Variants in AQP8 observed in about 807,000 individuals in gnomAD.
AQP8 encodes the protein aquaporin 8, also known as aquaporin-8.
A neutral mutation model predicts 26.1 loss-of-function variants in AQP8; 14 were observed. That is an observed-to-expected ratio of 0.54 (90% CI 0.35 to 0.84). The LOEUF is 0.84. AQP8 is among the 40% of genes least tolerant of loss of function. The pLI is 0.01. For missense variants in AQP8, 301 were observed against 340.5 expected, an observed-to-expected ratio of 0.88 and a Z score of 0.91; for synonymous variants, 131 against 150.7, an observed-to-expected ratio of 0.87 and a Z score of 0.96.
In AQP8 at chr16:25,221,602, C is replaced by T; in HGVS notation, c.387+19C>T. On this transcript the variant is annotated intron_variant, in intron 3 of 5. Transcript: ENST00000219660. Reference sequence around the variant, plus strand: ...GGCCAAGGTGGGTAAACCCCAGGGGCTGGGCTAGTCTTCCTCTCTGATGGG... The same window carrying T: ...GGCCAAGGTGGGTAAACCCCAGGGGTTGGGCTAGTCTTCCTCTCTGATGGG... 2 of 1,613,528 alleles carry T rather than the reference C, an allele frequency of 1.2e-6. No individual in the cohort carries two copies. The highest frequency in any genetic ancestry group is 1.1e-5 in the South Asian group (1 of 91,042).
chr16:25,224,042 G>T (rs939873958), intron 3 of AQP8, among the ~76,000 whole-genome samples: 9 of 152,152 alleles, frequency 5.9e-5, no homozygotes, highest in African/African-American at 1.9e-4. Flanking sequence ...GGCAAGGCTG[G>T]TCTCAAACTC....
Position 25,228,538 on chromosome 16 carries a change from C to T in AQP8, c.*46C>T, listed in dbSNP as rs1567345877. On this transcript the variant is annotated 3_prime_UTR_variant, in exon 6 of 6. Transcript: ENST00000219660. ...TGCTGCTCCAGGTGTCCTCAGCTCA[C>T]CTGTCCCAGACTGAGGACAGGGGAG... The T allele has an allele frequency of 6.2e-7, 1 of 1,602,206 alleles. No individual in the cohort carries two copies. The highest frequency in any genetic ancestry group is 8.6e-7 in the Non-Finnish European group (1 of 1,169,358).
intron 3 of AQP8, among the ~76,000 whole-genome samples, chr16:25,223,459 G>A (rs1410082609): frequency 1.3e-5 from 2 of 152,204 alleles, no homozygotes; most frequent in Non-Finnish European, 2.9e-5. Context: ...CAGCATTTTG[G>A]GAGGCAGAGG....
At chr16:25,227,612 C>A (rs918567514) in intron 5 of AQP8, among the ~76,000 whole-genome samples, 1 of 152,072 alleles carries the variant, frequency 6.6e-6, no homozygotes, top group African/African-American at 2.4e-5. Flanking sequence ...CCTCAGCCTG[C>A]CAAGCAGCTG....
intron 4 of AQP8, among the ~76,000 whole-genome samples, chr16:25,225,486 T>TA (rs34883030): frequency 0.13 from 19,486 of 150,084 alleles, 1,413 homozygotes; most frequent in Non-Finnish European, 0.16. Context: ...TTTTTTTTTT[T>TA]AGCTCCGCTT....
rs1435831078 is a variant in AQP8, at chr16:25,221,445, TG to T, written c.261-11del. The T allele has an allele frequency of 6.2e-7, 1 of 1,613,928 alleles. No homozygotes were observed. The highest frequency in any genetic ancestry group is 2.2e-5 in the East Asian group (1 of 44,870). ...CTGGGCTCATGACTTCCTCTGCTCTTGTGGGTTACAGTGGTGGACACTTCAA... is the reference window on the plus strand; with the variant it reads ...CTGGGCTCATGACTTCCTCTGCTCTTTGGGTTACAGTGGTGGACACTTCAA... On this transcript the variant is annotated splice_polypyrimidine_tract_variant and intron_variant, in intron 2 of 5. Transcript: ENST00000219660.
At chr16:25,218,143 A>G (rs539059284) in intron 2 of AQP8, among the ~76,000 whole-genome samples, 1 of 152,300 alleles carries the variant, frequency 6.6e-6, no homozygotes, top group South Asian at 2.1e-4. Context: ...CCTCATGCGG[A>G]AGTCATGAGA....
intron 2 of AQP8, among the ~76,000 whole-genome samples, chr16:25,218,731 T>C (rs1204399166): frequency 2.6e-5 from 4 of 151,606 alleles, no homozygotes; most frequent in African/African-American, 9.7e-5. Context: ...GATACAAAAA[T>C]TAGCTGGGCG....
chr16:25,224,992 A>T (rs190726113), intron 4 of AQP8, among the ~76,000 whole-genome samples: 18 of 152,332 alleles, frequency 1.2e-4, no homozygotes, highest in Admixed American at 1.0e-3. Context: ...GACTCCCAGC[A>T]GGCTTTGGAA....
chr16:25,224,321 C>G, intron 3 of AQP8, 41 bp from the exon 4 acceptor site: 2 of 1,568,686 alleles, frequency 1.3e-6, no homozygotes, highest in South Asian at 1.2e-5. Flanking sequence ...TTCCAGCTGT[C>G]TCTCTGCCCC....
chr16:25,219,803 G>A (rs778021255), intron 2 of AQP8, among the ~76,000 whole-genome samples: 1 of 151,298 alleles, frequency 6.6e-6, no homozygotes, highest in Non-Finnish European at 1.5e-5. Flanking sequence ...TTGGGAGGCC[G>A]AGGCAGGTGA....
In AQP8 at chr16:25,217,690, CTAA is replaced by C. The variant is rs1347482226; in HGVS notation, c.260+247_260+249del. On this transcript the variant is annotated intron_variant, in intron 2 of 5. Coordinates refer to ENST00000219660, the MANE Select transcript of AQP8 (RefSeq NM_001169.3). ...CACAGGCATGCGCCGCAGCACCCAA[CTAA>C]TTTTTAAATTTTGTTGTAGAGATGG... Among the ~76,000 whole-genome samples the C allele has an allele frequency of 5.3e-5, 8 of 152,224 alleles. No individual in the cohort carries two copies. The East Asian group carries it at 1.5e-3, about 29-fold the overall frequency.
At chr16:25,220,505 G>C (rs1051210430) in intron 2 of AQP8, among the ~76,000 whole-genome samples, 5 of 152,144 alleles carry the variant, frequency 3.3e-5, no homozygotes, top group Non-Finnish European at 7.4e-5. Context: ...GGGGGTGGCT[G>C]ATCAACTGCA....
chr16:25,217,610 G>A (rs1410400052), intron 2 of AQP8, among the ~76,000 whole-genome samples, 165 bp downstream of exon 2: 3 of 152,226 alleles, frequency 2.0e-5, no homozygotes, highest in Admixed American at 6.5e-5. Flanking sequence ...TCCAGACCCC[G>A]CAGCCTGTGA....
intron 2 of AQP8, among the ~76,000 whole-genome samples, chr16:25,218,743 G>T (rs563163595): frequency 1.3e-5 from 2 of 151,504 alleles, no homozygotes; most frequent in East Asian, 3.9e-4. Context: ...AGCTGGGCGT[G>T]GGGGCAGGCA....
intron 2 of AQP8, among the ~76,000 whole-genome samples, chr16:25,220,126 TG>T (rs1290746055): frequency 1.3e-5 from 2 of 151,806 alleles, no homozygotes; most frequent in African/African-American, 4.8e-5. Context: ...CCAGACAAGT[TG>T]GGGTAGCTGG....
chr16:25,218,444 A>G (rs1324713639), intron 2 of AQP8, among the ~76,000 whole-genome samples: 1 of 152,220 alleles, frequency 6.6e-6, no homozygotes, highest in Non-Finnish European at 1.5e-5. Flanking sequence ...AGAGCCAGCC[A>G]TCACGACGAA....
intron 2 of AQP8, among the ~76,000 whole-genome samples, chr16:25,220,785 T>G (rs1405395036): frequency 6.6e-6 from 1 of 152,224 alleles, no homozygotes; most frequent in African/African-American, 2.4e-5. Context: ...GCACGGTAGC[T>G]CGTGCCTGTA....
intron 3 of AQP8, among the ~76,000 whole-genome samples, chr16:25,223,383 T>C (rs1216301687): frequency 6.6e-6 from 1 of 152,248 alleles, no homozygotes. Context: ...CCTGATCATA[T>C]GTGTTTGTAA....
Sources: gnomAD v4.1 joint callset for allele counts (sites outside exome capture counted in the v4.1 genomes callset) on GRCh38, gnomAD v4.1.1 for gene constraint, MANE v1.5 for transcripts, NCBI Gene and HGNC (gene_info 2026-07-23, HGNC 2026-07-21) for gene names.